Variants in OCRL observed in about 807,000 individuals in gnomAD.
OCRL encodes inositol polyphosphate 5-phosphatase OCRL.
A neutral mutation model predicts 78.9 loss-of-function variants in OCRL; 8 were observed. That is an observed-to-expected ratio of 0.10 (90% confidence interval 0.06 to 0.18). The LOEUF (loss-of-function observed/expected upper bound fraction) is 0.18. OCRL is among the 10% of genes least tolerant of loss of function. The probability of loss-of-function intolerance (pLI) is 1.00; values close to 1 mark genes in which losing one functional copy is unlikely to be tolerated. For synonymous variants in OCRL, 240 were observed against 235.4 expected, an observed-to-expected ratio of 1.02 and a Z score of -0.18; for missense variants, 454 against 696.7, an observed-to-expected ratio of 0.65 and a Z score of 3.92.
intron 17 of OCRL, 94 bp downstream of exon 17, chrX:129,576,156 C>A: frequency 1.0e-6 from 1 of 998,838 alleles, no homozygotes; most frequent in Non-Finnish European, 1.4e-6. Context: ...TGTCTCTTAC[C>A]TTTACTGTCA....
Position 129,547,321 on chromosome X carries a change from T to C in OCRL, c.200-1242T>C, listed in dbSNP as rs189709925. Among the ~76,000 whole-genome samples the C allele has an allele frequency of 2.3e-3, 256 of 109,763 alleles. 2 individuals are homozygous for C. The highest frequency in any genetic ancestry group is 0.01 in the South Asian group (26 of 2,557). ...TGGGCAGATCACAAGGTCAGGAGATTGAGACCATCCTGGCTAACACGATGA... is the reference window on the plus strand; with the variant it reads ...TGGGCAGATCACAAGGTCAGGAGATCGAGACCATCCTGGCTAACACGATGA... On this transcript the variant is annotated intron_variant, in intron 3 of 23. Transcript: ENST00000371113.
Position 129,575,453 on chromosome X carries a change from T to G in OCRL, c.1713+203T>G, listed in dbSNP as rs1936356742. The stretch of plus-strand genomic sequence containing the variant: ...TACCCGCTCAGAGCCGCAGTTTCCT[T>G]TCCTGGATTAAGGGGTAGTTGTAAG... On this transcript the variant is annotated intron_variant, in intron 16 of 23. Coordinates refer to ENST00000371113, the MANE Select transcript of OCRL (RefSeq NM_000276.4). Among the ~76,000 whole-genome samples the G allele has an allele frequency of 1.8e-5, 2 of 112,202 alleles. 1 individual carries two copies. Among genetic ancestry groups the G allele is most frequent in the Admixed American group, 1.9e-4 (2 of 10,603 alleles).
rs1251462421 is a variant in OCRL, at chrX:129,591,229, G to A, written c.*959G>A. ...AGCTATTGCTCCTTCCCACAGCAAA[G>A]GTATTGTGGATGACCCTTAGAATCC... On this transcript the variant is annotated 3_prime_UTR_variant, in exon 24 of 24. Coordinates refer to ENST00000371113, the MANE Select transcript of OCRL (RefSeq NM_000276.4). The A allele has an allele frequency of 8.8e-6, 1 of 113,711 alleles. No individual in the cohort carries two copies. The highest frequency in any genetic ancestry group is 1.9e-5 in the Non-Finnish European group (1 of 53,304). 9.4% of individuals were successfully genotyped at this position (113,711 alleles called of 1,213,427 possible). A position where few individuals can be genotyped will look rare whatever the true frequency, so the allele number is the denominator to read the frequency against.
chrX:129,559,973 C>T (rs950417459), intron 8 of OCRL, among the ~76,000 whole-genome samples: 1 of 111,952 alleles, frequency 8.9e-6, no homozygotes, highest in African/African-American at 3.2e-5. Flanking sequence ...CTAATTCAGT[C>T]ATAACTATAT....
chrX:129,574,217 A>G (rs764951731), intron 15 of OCRL, among the ~76,000 whole-genome samples: 2 of 112,193 alleles, frequency 1.8e-5, no homozygotes, highest in African/African-American at 6.5e-5. Flanking sequence ...TCTTTTTAGA[A>G]CCTTTGCTGC....
rs139128871 is a variant in OCRL, at chrX:129,590,171, G to T, written c.2607G>T (p.Leu869=). ...CTACTCTCTTCACTAGTCTTCTCCT[G>T]AGGCCTCCACCCAACCTTATGGCAA... The part of the protein sequence containing the change: ...MIATLFTSLL[L]RPPPNLMARQ... Residue 869 remains leucine (L), a synonymous_variant, in exon 24 of 24, where the codon CTG becomes CTT. Coordinates refer to ENST00000371113, the MANE Select transcript of OCRL (RefSeq NM_000276.4). 1 of 1,211,359 alleles carries T rather than the reference G, an allele frequency of 8.3e-7. No homozygotes were observed.
Position 129,560,540 on chromosome X carries a change from T to G in OCRL, c.723-10T>G. On this transcript the variant is annotated splice_polypyrimidine_tract_variant and intron_variant, in intron 8 of 23. Transcript: ENST00000371113. ...TTGTTTTCAAATTATCTTTTCGTAT[T>G]ATGTATTAGATTTTTTGTTGGAACT... The G allele has an allele frequency of 9.0e-7, 1 of 1,113,159 alleles. No individual in the cohort carries two copies. Among genetic ancestry groups the G allele is most frequent in the Non-Finnish European group, 1.2e-6 (1 of 806,905 alleles). 91.7% of individuals were successfully genotyped at this position (1,113,159 alleles called of 1,213,427 possible).
At chrX:129,567,937 C>T (rs920583689) in intron 14 of OCRL, among the ~76,000 whole-genome samples, 113 of 95,500 alleles carry the variant, frequency 1.2e-3, no homozygotes, top group African/African-American at 4.1e-3. Flanking sequence ...GACGGAGTCT[C>T]GCTCTGTCGC....
intron 2 of OCRL, among the ~76,000 whole-genome samples, chrX:129,544,587 A>G (rs1374653580): frequency 3.6e-5 from 4 of 112,187 alleles, no homozygotes; most frequent in African/African-American, 1.3e-4. Context: ...GCTTTGTGCT[A>G]GGTACTAGAA....
At chrX:129,564,381 A>G (rs1315860343) in intron 12 of OCRL, among the ~76,000 whole-genome samples, 6 of 110,711 alleles carry the variant, frequency 5.4e-5, no homozygotes, top group Non-Finnish European at 1.1e-4. Flanking sequence ...GTATATACCC[A>G]AAGGACTATA....
At chrX:129,556,111 A>G (rs1830072482) in intron 4 of OCRL, among the ~76,000 whole-genome samples, 1 of 112,182 alleles carries the variant, frequency 8.9e-6, no homozygotes, top group Non-Finnish European at 1.9e-5. Context: ...TTTTACAAAG[A>G]CAGAAAGAAG....
At chrX:129,567,205 T>C (rs1162698040) in intron 13 of OCRL, 49 bp from the exon 14 acceptor site, 1 of 862,132 alleles carries the variant, frequency 1.2e-6, no homozygotes, top group Non-Finnish European at 1.7e-6. Context: ...TTATCTCTTA[T>C]ATTAAGATAG....
At chrX:129,585,494 C>G (rs749059838) in intron 19 of OCRL, among the ~76,000 whole-genome samples, 4 of 112,260 alleles carry the variant, frequency 3.6e-5, no homozygotes, top group Non-Finnish European at 7.5e-5. Context: ...GCTAAAGAAT[C>G]AGTACACGTG....
At chrX:129,546,977 G>C (rs1306168990) in intron 3 of OCRL, among the ~76,000 whole-genome samples, 2 of 111,311 alleles carry the variant, frequency 1.8e-5, no homozygotes, top group African/African-American at 6.5e-5. Context: ...CCAACATTTT[G>C]GGAAGCTGAG....
Position 129,557,360 on chromosome X carries a change from A to G in OCRL, c.274A>G (p.Arg92Gly). The G allele has an allele frequency of 1.7e-6, 2 of 1,211,791 alleles. No homozygotes were observed. The highest frequency in any genetic ancestry group is 1.8e-5 in the South Asian group (1 of 56,982). ...CKIRVQGDWIRERRFEIPDEE... is the reference protein window; with the variant it reads ...CKIRVQGDWIGERRFEIPDEE... ...AATTCGGGTTCAGGGGGACTGGATC[A>G]GAGAGCGCCGCTTTGAAATCCCTGA... is the stretch of plus-strand genomic sequence containing the variant. Residue 92 changes from arginine to glycine, a missense_variant, in exon 5 of 24, where the codon AGA (arginine) becomes GGA (glycine). Arg to Gly is a moderately radical substitution (Grantham distance 125). This residue lies in a region of OCRL where 177 missense variants were observed against 179.6 expected (regional missense o/e 0.99). Coordinates refer to ENST00000371113, the MANE Select transcript of OCRL (RefSeq NM_000276.4).
intron 2 of OCRL, among the ~76,000 whole-genome samples, chrX:129,542,442 A>G (rs866681084): frequency 1.0e-5 from 1 of 98,908 alleles, no homozygotes; most frequent in African/African-American, 3.3e-5. Flanking sequence ...TATAGTTTTA[A>G]ATACATATAA....
intron 6 of OCRL, 120 bp from the exon 7 acceptor site, chrX:129,558,513 G>A (rs1237554300): frequency 1.2e-6 from 1 of 849,276 alleles, no homozygotes; most frequent in Non-Finnish European, 1.7e-6. Context: ...CTACCCTTAT[G>A]ATAGTTTTCT....
At chrX:129,560,444 G>T (rs752216841) in intron 8 of OCRL, 106 bp from the exon 9 acceptor site, 4 of 500,231 alleles carry the variant, frequency 8.0e-6, no homozygotes, top group Non-Finnish European at 1.1e-5. Flanking sequence ...GAGGAATTAT[G>T]TTAGCATATT....
chrX:129,556,070 T>C (rs1484679274), intron 4 of OCRL, among the ~76,000 whole-genome samples: 1 of 112,008 alleles, frequency 8.9e-6, no homozygotes, highest in Non-Finnish European at 1.9e-5. Context: ...TTTCTTCTAA[T>C]TAATTATTTT....
Sources: allele counts gnomAD v4.1 joint callset (sites outside exome capture counted in the v4.1 genomes callset), GRCh38; gene constraint gnomAD v4.1.1; regional missense constraint gnomAD v4.1.1; transcripts MANE v1.5; gene names NCBI Gene and HGNC (gene_info 2026-07-23, HGNC 2026-07-21).